PKD1L3: variants seen among roughly 807,000 people sequenced by gnomAD.
The protein encoded by PKD1L3 is polycystin 1 like 3, transient receptor potential channel interacting.
PKD1L3 carries 239 observed loss-of-function variants against 184.1 expected under a neutral mutation model. That is an observed-to-expected ratio of 1.30 (90% CI 1.17 to 1.45). The LOEUF is 1.45. Among genes scored for constraint, PKD1L3 ranks in the 40% most tolerant of loss-of-function variants. PKD1L3 has a pLI of 0.00. For missense variants in PKD1L3, 2,660 were observed against 2,067.2 expected, an observed-to-expected ratio of 1.29 and a Z score of -5.56; for synonymous variants, 996 against 778.8, an observed-to-expected ratio of 1.28 and a Z score of -4.64.
intron 24 of PKD1L3, among the ~76,000 whole-genome samples, chr16:71,941,814 G>C (rs1338223259): frequency 1.3e-5 from 2 of 151,300 alleles, no homozygotes; most frequent in Non-Finnish European, 2.9e-5. Flanking sequence ...CGAACTCCTA[G>C]ACCTTGTGAT....
At chr16:71,983,609 T>C (rs2040241208) in intron 6 of PKD1L3, among the ~76,000 whole-genome samples, 1 of 149,300 alleles carries the variant, frequency 6.7e-6, no homozygotes, top group African/African-American at 2.5e-5. Flanking sequence ...AAAATTTAAA[T>C]ACAGTCTTTA....
chr16:71,930,207 G>T, intron 28 of PKD1L3, 24 bp from the exon 29 acceptor site: 1 of 1,524,534 alleles, frequency 6.6e-7, no homozygotes, highest in Non-Finnish European at 8.8e-7. Flanking sequence ...AAGAACACTT[G>T]CAGTGACTGA....
At chr16:71,955,780 G>A (rs1425392575) in intron 16 of PKD1L3, among the ~76,000 whole-genome samples, 1 of 152,134 alleles carries the variant, frequency 6.6e-6, no homozygotes, top group Non-Finnish European at 1.5e-5. Context: ...GTGATCGTGA[G>A]CGAGTTCTCA....
chr16:71,933,953 G>T lies in PKD1L3; in HGVS notation c.4786C>A (p.Leu1596Met), dbSNP rs2038083691. The change falls in exon 27 of 30, where the codon CTG becomes ATG. Residue 1596 changes from leucine (L) to methionine (M), a missense_variant. Coordinates refer to ENST00000620267, the MANE Select transcript of PKD1L3 (RefSeq NM_181536.2). ...CCTGTCAGCAGGATTAGGATGATCA[G>T]CAGAAAGCCCACCACCTCGTCCCAG... ...RAWDEVVGFL[L>M]IILILLTGYA... 6.4e-7 allele frequency: 1 copy of T among 1,551,374 alleles called. No homozygotes were observed. The highest frequency in any genetic ancestry group is 2.0e-5 in the Admixed American group (1 of 50,972).
At chr16:71,932,765 G>A (rs2038024769) in intron 28 of PKD1L3, among the ~76,000 whole-genome samples, 1 of 146,126 alleles carries the variant, frequency 6.8e-6, no homozygotes, top group Non-Finnish European at 1.5e-5. Context: ...ATAGGCATGA[G>A]CCACCGCACC....
chr16:71,999,763 G>A lies in PKD1L3; in HGVS notation c.216C>T (p.Asp72=), dbSNP rs749798621. ...WNKEVQDLIR[D]YLEEGKKWWI... is the part of the protein sequence containing the mutation. Reference sequence around the variant, plus strand: ...ACCACTTCTTTCCTTCTTCCAGATAGTCCCGGATGAGATCTTGAACTTCCT... The same window carrying A: ...ACCACTTCTTTCCTTCTTCCAGATAATCCCGGATGAGATCTTGAACTTCCT... The change falls in exon 1 of 30, where the codon GAC becomes GAT. Residue 72 remains aspartate (D), a synonymous_variant. Transcript: ENST00000620267. 1 of 1,551,738 alleles carries A rather than the reference G, an allele frequency of 6.4e-7. No homozygotes were observed.
chr16:71,944,541 G>C (rs2143261191), intron 22 of PKD1L3, among the ~76,000 whole-genome samples: 1 of 152,138 alleles, frequency 6.6e-6, no homozygotes, highest in South Asian at 2.1e-4. Flanking sequence ...AAATTAGCCA[G>C]GCATAGTGGC....
chr16:71,970,154 A>C, intron 12 of PKD1L3, 49 bp from the exon 13 acceptor site: 1 of 1,432,560 alleles, frequency 7.0e-7, no homozygotes, highest in South Asian at 1.3e-5. Context: ...AGTGCTAAGG[A>C]GGGGACAGAC....
chr16:71,939,158 T>G (rs1346920817), intron 24 of PKD1L3, among the ~76,000 whole-genome samples: 1 of 152,228 alleles, frequency 6.6e-6, no homozygotes, highest in Non-Finnish European at 1.5e-5. Context: ...TGGTCCAGCT[T>G]CAGTCTTTCA....
chr16:71,993,398 A>C (rs1318757834), intron 2 of PKD1L3, 66 bp from the exon 3 acceptor site: 2 of 998,354 alleles, frequency 2.0e-6, no homozygotes, highest in Non-Finnish European at 2.9e-6. Context: ...CTATAAAACC[A>C]TCATTACATG....
intron 5 of PKD1L3, 123 bp from the exon 6 acceptor site, chr16:71,984,290 C>G: frequency 1.1e-6 from 1 of 921,030 alleles, no homozygotes; most frequent in Non-Finnish European, 1.6e-6. Flanking sequence ...AACCACAGCT[C>G]TCTAAAACAG....
At chr16:71,948,173 C>G (rs1420997566) in intron 21 of PKD1L3, among the ~76,000 whole-genome samples, 4 of 152,122 alleles carry the variant, frequency 2.6e-5, no homozygotes, top group African/African-American at 9.7e-5. Context: ...CCTCTGCCTC[C>G]CGGGTTCAAG....
chr16:71,990,811 G>A (rs917533010), intron 3 of PKD1L3, among the ~76,000 whole-genome samples: 1 of 151,986 alleles, frequency 6.6e-6, no homozygotes, highest in East Asian at 1.9e-4. Flanking sequence ...GAGGACCTGG[G>A]AATGGAATCC....
Position 71,977,049 on chromosome 16 carries a change from A to AT in PKD1L3, c.1759+186dup, listed in dbSNP as rs888096474. Among the ~76,000 whole-genome samples, 77 of 152,198 alleles carry AT rather than the reference A, an allele frequency of 5.1e-4. 1 individual carries two copies. Among genetic ancestry groups the AT allele is most frequent in the Admixed American group, 1.3e-3 (20 of 15,282 alleles). On this transcript the variant is annotated intron_variant, in intron 11 of 29. Coordinates refer to ENST00000620267, the MANE Select transcript of PKD1L3 (RefSeq NM_181536.2). ...CAAGCCACCGCGCCCGGCCCACAAA[A>AT]TTTTTTTTAAGAAATTAGCCAGATG...
chr16:71,944,051 T>C lies in PKD1L3; in HGVS notation c.3838A>G (p.Lys1280Glu). The C allele has an allele frequency of 6.4e-7, 1 of 1,552,026 alleles. No homozygotes were observed. Among genetic ancestry groups the C allele is most frequent in the Non-Finnish European group, 8.7e-7 (1 of 1,147,060 alleles). The change falls in exon 23 of 30, where the codon AAG (lysine) becomes GAG (glutamate). Residue 1280 changes from lysine (K) to glutamate (E), a missense_variant. Transcript: ENST00000620267. ...ATACCCAAAATATCTCCAGTCAGCT[T>C]GAAGAGTTTCTTCTTTTTCAAGGTT... ...ERTLKKKKLF[K>E]LTGDILVQIL...
intron 7 of PKD1L3, among the ~76,000 whole-genome samples, chr16:71,980,640 C>T (rs993819612): frequency 6.6e-6 from 1 of 152,076 alleles, no homozygotes; most frequent in African/African-American, 2.4e-5. Context: ...TTGAGACCTA[C>T]CTGGCCGACA....
In PKD1L3 at chr16:72,000,113, G is replaced by C. The variant is rs943456311; in HGVS notation, c.-135C>G. On this transcript the variant is annotated 5_prime_UTR_variant, in exon 1 of 30. Transcript: ENST00000620267. ...GAACAATTTACCAAGGATACAAAAG[G>C]TTTTGTTTTGAGGACCCAGGTGCAG... The C allele has an allele frequency of 1.3e-6, 1 of 784,968 alleles. No individual in the cohort carries two copies. Among genetic ancestry groups the C allele is most frequent in the Non-Finnish European group, 1.8e-6 (1 of 551,882 alleles). 48.6% of individuals were successfully genotyped at this position (784,968 alleles called of 1,614,324 possible).
chr16:71,973,871 G>A (rs2039815847), intron 11 of PKD1L3, among the ~76,000 whole-genome samples: 1 of 152,008 alleles, frequency 6.6e-6, no homozygotes, highest in African/African-American at 2.4e-5. Context: ...GTGTGGTGAT[G>A]TGAGCCTGTA....
chr16:71,949,729 C>G, intron 21 of PKD1L3, 54 bp downstream of exon 21: 2 of 1,458,426 alleles, frequency 1.4e-6, no homozygotes, highest in Non-Finnish European at 1.9e-6. Flanking sequence ...CACCCAGGGA[C>G]CTCAGTTCCC....
Sources: allele counts gnomAD v4.1 joint callset (sites outside exome capture counted in the v4.1 genomes callset), GRCh38; gene constraint gnomAD v4.1.1; transcripts MANE v1.5; gene names NCBI Gene and HGNC (gene_info 2026-07-23, HGNC 2026-07-21).